Variants in DNAJB6 observed in about 807,000 individuals in gnomAD.
The protein encoded by DNAJB6 is dnaJ homolog subfamily B member 6.
In DNAJB6, 16 loss-of-function variants were observed where a neutral mutation model predicts 42.7. That is an observed-to-expected ratio of 0.37 (90% CI 0.25 to 0.57). The LOEUF (loss-of-function observed/expected upper bound fraction) is 0.57. DNAJB6 is among the 20% of genes least tolerant of loss of function. The probability of loss-of-function intolerance (pLI) is 0.74; values close to 1 mark genes in which losing one functional copy is unlikely to be tolerated. For synonymous variants in DNAJB6, 170 were observed against 163.5 expected, an observed-to-expected ratio of 1.04 and a Z score of -0.30; for missense variants, 347 against 416.8, an observed-to-expected ratio of 0.83 and a Z score of 1.46.
At chr7:157,390,201 T>C (rs75101076) in intron 8 of DNAJB6, among the ~76,000 whole-genome samples, 3,478 of 152,168 alleles carry the variant, frequency 0.023, 156 homozygotes, top group East Asian at 0.18. Context: ...GAGCAGAGGC[T>C]TACTCCCCAC....
intron 8 of DNAJB6, among the ~76,000 whole-genome samples, chr7:157,395,234 G>T (rs1801528183): frequency 1.3e-5 from 2 of 152,356 alleles, no homozygotes; most frequent in African/African-American, 4.8e-5. Flanking sequence ...GGGCTGGGGG[G>T]GGGTTGGTGC....
At chr7:157,381,602 C>G (rs540055387) in intron 5 of DNAJB6, 5 of 152,004 alleles carry the variant, frequency 3.3e-5, no homozygotes, top group Admixed American at 1.3e-4. Flanking sequence ...CATCATCTTA[C>G]GTCTGCTTGT....
rs34284253 is a variant in DNAJB6, at chr7:157,339,281, CTTTTTTT to C, written c.-27+2161_-27+2167del. ...TGGGGGTGGAATGGTCTGTTTGCAC[CTTTTTTT>C]TTTTTTTTTTTTTTTTTTTTTTTGA... On this transcript the variant is annotated intron_variant, in intron 1 of 9. Coordinates refer to ENST00000262177, the MANE Select transcript of DNAJB6 (RefSeq NM_058246.4). 3.2e-4 allele frequency among the ~76,000 whole-genome samples: 22 copies of C among 68,280 alleles called. No individual in the cohort carries two copies. In the East Asian group the frequency reaches 5.0e-3, roughly 16 times the overall value. The allele number at this position is 68,280 out of a possible 152,430, so 44.8% of individuals were successfully genotyped here.
At chr7:157,393,085 T>C (rs1001088190) in intron 8 of DNAJB6, among the ~76,000 whole-genome samples, 1 of 152,134 alleles carries the variant, frequency 6.6e-6, no homozygotes, top group Non-Finnish European at 1.5e-5. Flanking sequence ...GCGATTCTCC[T>C]GCCTCAGCCT....
intron 1 of DNAJB6, among the ~76,000 whole-genome samples, chr7:157,344,260 G>C (rs1273840001): frequency 6.6e-6 from 1 of 152,066 alleles, no homozygotes; most frequent in African/African-American, 2.4e-5. Flanking sequence ...AGAATGGCGT[G>C]AACGCGGGAG....
intron 5 of DNAJB6, among the ~76,000 whole-genome samples, chr7:157,371,502 C>T (rs946266374): frequency 1.3e-5 from 2 of 152,148 alleles, no homozygotes; most frequent in African/African-American, 2.4e-5. Flanking sequence ...CTGGGGCCTG[C>T]GGTGTGGAAC....
Position 157,361,682 on chromosome 7 carries a change from C to T in DNAJB6, c.66-1479C>T, listed in dbSNP as rs150979889. On this transcript the variant is annotated intron_variant, in intron 2 of 9. Coordinates refer to ENST00000262177, the MANE Select transcript of DNAJB6 (RefSeq NM_058246.4). ...GGGGTATGCTGCTTCTCTTTTTTAA[C>T]GTTACCCTCCTTTTGAATATATGCT... is the stretch of plus-strand genomic sequence containing the variant. Among the ~76,000 whole-genome samples, 1,112 of 152,270 alleles carry T rather than the reference C, an allele frequency of 7.3e-3. 16 individuals are homozygous for T. The highest frequency in any genetic ancestry group is 0.025 in the African/African-American group (1,028 of 41,550).
intron 8 of DNAJB6, among the ~76,000 whole-genome samples, chr7:157,389,766 A>C (rs1445529942): frequency 6.6e-6 from 1 of 152,234 alleles, no homozygotes; most frequent in African/African-American, 2.4e-5. Context: ...TCTAGACGTC[A>C]CTGATTTCCA....
At chr7:157,404,765 C>CAAAGT (rs1231361342) in intron 8 of DNAJB6, among the ~76,000 whole-genome samples, 2 of 152,136 alleles carry the variant, frequency 1.3e-5, no homozygotes, top group Admixed American at 6.5e-5. Context: ...CTCAGCCTCT[C>CAAAGT]AAAGTGCTGG....
chr7:157,401,102 C>T (rs1801839142), intron 8 of DNAJB6, among the ~76,000 whole-genome samples: 1 of 152,222 alleles, frequency 6.6e-6, no homozygotes, highest in South Asian at 2.1e-4. Flanking sequence ...CTCTGGCCCA[C>T]CACGAGCCCC....
At chr7:157,394,886 T>C (rs1801509834) in intron 8 of DNAJB6, among the ~76,000 whole-genome samples, 2 of 152,322 alleles carry the variant, frequency 1.3e-5, no homozygotes, top group Non-Finnish European at 2.9e-5. Flanking sequence ...GGTGGATTGC[T>C]TGAGCCCAGC....
intron 5 of DNAJB6, among the ~76,000 whole-genome samples, chr7:157,367,996 G>A (rs1052189850): frequency 9.2e-5 from 14 of 152,288 alleles, no homozygotes; most frequent in African/African-American, 3.1e-4. Context: ...GAGTGTGGTG[G>A]CGTGTGCCTG....
chr7:157,352,642 A>G (rs945332579), intron 1 of DNAJB6, among the ~76,000 whole-genome samples: 52 of 151,828 alleles, frequency 3.4e-4, no homozygotes, highest in Admixed American at 2.5e-3. Flanking sequence ...TTTCCTTCCC[A>G]CTTCCTCATT....
Position 157,382,337 on chromosome 7 carries a change from A to C in DNAJB6, c.438A>C (p.Gly146=), listed in dbSNP as rs112310856. ...GGTCGTTTTTCTCTGCGTTCAGTGG[A>C]TTTCCGTCTTTTGGAAGTGGATTTT... ...GTGSFFSAFS[G]FPSFGSGFSS... The change falls in exon 6 of 10, where the codon GGA becomes GGC. Residue 146 remains glycine, a synonymous_variant. Coordinates refer to ENST00000262177, the MANE Select transcript of DNAJB6 (RefSeq NM_058246.4). 80 of 1,591,018 alleles carry C rather than the reference A, an allele frequency of 5.0e-5. No individual in the cohort carries two copies. The highest frequency in any genetic ancestry group is 6.3e-5 in the Non-Finnish European group (74 of 1,167,458).
At chr7:157,337,841 A>G (rs1798130025) in intron 1 of DNAJB6, 1 of 152,064 alleles carries the variant, frequency 6.6e-6, no homozygotes, top group Non-Finnish European at 1.5e-5. Context: ...TAAACTGCAA[A>G]TCATATATTG....
At chr7:157,407,701 C>G (rs1469006081) in intron 8 of DNAJB6, among the ~76,000 whole-genome samples, 2 of 152,194 alleles carry the variant, frequency 1.3e-5, no homozygotes, top group Non-Finnish European at 2.9e-5. Flanking sequence ...AGATGCTTCT[C>G]GACGACACGG....
intron 8 of DNAJB6, among the ~76,000 whole-genome samples, chr7:157,403,843 G>A (rs189060758): frequency 1.3e-5 from 2 of 152,292 alleles, no homozygotes; most frequent in African/African-American, 2.4e-5. Context: ...GTGTGGACTC[G>A]CAGCGGAAGC....
At chr7:157,363,389 C>G in intron 3 of DNAJB6, 119 bp downstream of exon 3, 2 of 621,906 alleles carry the variant, frequency 3.2e-6, no homozygotes, top group Non-Finnish European at 5.7e-6. Context: ...TTGATGCCTA[C>G]TGGATTTTGG....
chr7:157,353,588 T>G (rs867129794), intron 1 of DNAJB6, among the ~76,000 whole-genome samples: 10 of 108,434 alleles, frequency 9.2e-5, no homozygotes, highest in South Asian at 7.3e-4. Context: ...TTGACCGGGG[T>G]GTGTGTGTGT....
Sources: allele counts gnomAD v4.1 joint callset (sites outside exome capture counted in the v4.1 genomes callset), GRCh38; gene constraint gnomAD v4.1.1; transcripts MANE v1.5; gene names NCBI Gene and HGNC (gene_info 2026-07-23, HGNC 2026-07-21).